Variants in TTC3 observed in about 807,000 individuals in gnomAD.
TTC3 encodes the protein tetratricopeptide repeat domain 3.
TTC3 carries 180 observed loss-of-function variants against 249.6 expected under a neutral mutation model. The ratio of observed to expected loss-of-function variants is 0.72; its 90% CI spans 0.64 to 0.82. The LOEUF (loss-of-function observed/expected upper bound fraction) is 0.82, where lower values mean the gene tolerates loss of function less well. Among genes scored for constraint, TTC3 ranks in the 40% least tolerant of loss-of-function variants. The probability of loss-of-function intolerance (pLI) is 0.00; values close to 1 mark genes in which losing one functional copy is unlikely to be tolerated. For synonymous variants in TTC3, 717 were observed against 805.0 expected (o/e 0.89, Z 1.85); for missense variants, 2,061 against 2,398.4 (o/e 0.86, Z 2.94).
chr21:37,165,868 A>G (rs940083650), exon 33 of TTC3: 10 of 1,614,128 alleles, frequency 6.2e-6, no homozygotes, highest in Non-Finnish European at 8.5e-6. Flanking sequence ...AACCAGATGT[A>G]AAGTCTAAAC....
At chr21:37,130,996 T>C (rs984947700) in intron 16 of TTC3, among the ~76,000 whole-genome samples, 2 of 152,148 alleles carry the variant, frequency 1.3e-5, no homozygotes, top group African/African-American at 4.8e-5. Flanking sequence ...TCTTAGAAAA[T>C]AGGCACTGTT....
chr21:37,147,712 C>A, intron 22 of TTC3, 109 bp downstream of exon 22: 3 of 1,282,770 alleles, frequency 2.3e-6, no homozygotes, highest in South Asian at 1.4e-5. Flanking sequence ...AGTTAGCAGT[C>A]GTCCACCCCT....
At chr21:37,160,688 A>G (rs2080637365) in intron 29 of TTC3, 114 bp from the exon 30 acceptor site, 3 of 1,106,716 alleles carry the variant, frequency 2.7e-6, no homozygotes, top group Admixed American at 2.6e-5. Context: ...TTTGTTAAAC[A>G]TTTTATGTAC....
At chr21:37,152,890 A>G in intron 26 of TTC3, 61 bp from the exon 27 acceptor site, 1 of 1,321,904 alleles carries the variant, frequency 7.6e-7, no homozygotes, top group South Asian at 1.8e-5. Context: ...TGTTATTTCT[A>G]AGTTTATGTA....
intron 10 of TTC3, among the ~76,000 whole-genome samples, chr21:37,097,587 A>G (rs1471186700): frequency 6.6e-6 from 1 of 152,236 alleles, no homozygotes; most frequent in East Asian, 1.9e-4. Flanking sequence ...CTCATTGTCC[A>G]TAAAGAAACA....
At chr21:37,128,931 A>G in intron 15 of TTC3, 72 bp from the exon 16 acceptor site, 3 of 1,189,986 alleles carry the variant, frequency 2.5e-6, no homozygotes, top group South Asian at 3.5e-5. Flanking sequence ...TTATATTTTA[A>G]AAATAGTTTT....
At chr21:37,110,223 G>C (rs910868209) in intron 11 of TTC3, among the ~76,000 whole-genome samples, 6 of 152,230 alleles carry the variant, frequency 3.9e-5, no homozygotes, top group African/African-American at 1.4e-4. Context: ...ACTTTGACGA[G>C]TTGAGAGAGG....
intron 29 of TTC3, among the ~76,000 whole-genome samples, 185 bp downstream of exon 29, chr21:37,159,930 G>T (rs1028650252): frequency 6.6e-6 from 1 of 152,176 alleles, no homozygotes; most frequent in Non-Finnish European, 1.5e-5. Flanking sequence ...CTCGGAATTG[G>T]AGCAATAATC....
intron 35 of TTC3, among the ~76,000 whole-genome samples, chr21:37,179,327 A>G (rs985851235): frequency 2.6e-5 from 4 of 152,168 alleles, no homozygotes; most frequent in Non-Finnish European, 5.9e-5. Flanking sequence ...TTCTGGATAC[A>G]AGTTGCTTAT....
intron 25 of TTC3, 123 bp from the exon 26 acceptor site, chr21:37,151,770 A>G: frequency 1.8e-6 from 2 of 1,113,246 alleles, no homozygotes; most frequent in Non-Finnish European, 2.4e-6. Context: ...CATTGAATGG[A>G]AGATGTAGGC....
intron 34 of TTC3, among the ~76,000 whole-genome samples, chr21:37,170,367 T>C (rs1052064085): frequency 6.6e-6 from 1 of 152,178 alleles, no homozygotes; most frequent in Admixed American, 6.5e-5. Flanking sequence ...TTTTTAAACA[T>C]ATAAACAGAT....
chr21:37,135,937 T>C (rs890859181), intron 18 of TTC3, among the ~76,000 whole-genome samples: 1 of 152,244 alleles, frequency 6.6e-6, no homozygotes, highest in African/African-American at 2.4e-5. Flanking sequence ...AAGCATGTGC[T>C]CACCTCATGT....
At chr21:37,192,008 G>A in intron 40 of TTC3, 104 bp from the exon 41 acceptor site, 1 of 706,792 alleles carries the variant, frequency 1.4e-6, no homozygotes, top group Non-Finnish European at 2.3e-6. Context: ...GTCTTATTTT[G>A]AATTTCCTTA....
At chr21:37,110,530 A>G (rs1342830619) in intron 11 of TTC3, among the ~76,000 whole-genome samples, 1 of 152,240 alleles carries the variant, frequency 6.6e-6, no homozygotes, top group African/African-American at 2.4e-5. Flanking sequence ...AGAAACAAAC[A>G]AAGCCTCCAA....
chr21:37,093,103 C>T (rs1039775075), intron 7 of TTC3, among the ~76,000 whole-genome samples: 11 of 152,084 alleles, frequency 7.2e-5, no homozygotes, highest in Non-Finnish European at 1.2e-4. Flanking sequence ...GCTCGCTGGG[C>T]GCGGTGGCTC....
intron 33 of TTC3, 149 bp from the exon 34 acceptor site, chr21:37,167,406 A>G (rs1490903178): frequency 3.5e-6 from 2 of 566,406 alleles, no homozygotes; most frequent in Non-Finnish European, 6.3e-6. Context: ...TTCCTAATAT[A>G]CATGTTTACG....
At chr21:37,158,299 C>A in intron 28 of TTC3, 3 of 722,328 alleles carry the variant, frequency 4.2e-6, no homozygotes, top group Non-Finnish European at 5.1e-6. Context: ...TCCCTCTCAG[C>A]ATACACTCGT....
At chr21:37,100,713 C>T (rs1793867) in intron 10 of TTC3, 5 of 152,234 alleles carry the variant, frequency 3.3e-5, no homozygotes, top group African/African-American at 1.2e-4. Context: ...CCTGCGCCCC[C>T]ACTCCTGCCG....
At chr21:37,157,059 G>A (rs1754193164) in intron 28 of TTC3, 153 bp downstream of exon 28, 13 of 1,338,270 alleles carry the variant, frequency 9.7e-6, no homozygotes, top group Admixed American at 2.4e-5. Context: ...ATTAACAGTA[G>A]CAATTTTTTT....
Sources: gnomAD v4.1 joint callset for allele counts (sites outside exome capture counted in the v4.1 genomes callset) on GRCh38, gnomAD v4.1.1 for gene constraint, MANE v1.5 for transcripts, NCBI Gene and HGNC (gene_info 2026-07-23, HGNC 2026-07-21) for gene names.